Variants in ANKRD27 observed in about 807,000 individuals in gnomAD.
ANKRD27 encodes the protein ankyrin repeat domain-containing protein 27.
ANKRD27 carries 112 observed loss-of-function variants against 129.7 expected under a neutral mutation model. That is an observed-to-expected ratio of 0.86 (90% CI 0.74 to 1.01). The LOEUF (loss-of-function observed/expected upper bound fraction) is 1.01. Ranked by LOEUF, ANKRD27 falls within the 50% of genes least tolerant of loss-of-function variation. The pLI is 0.00. For missense variants in ANKRD27, 1,258 were observed against 1,300.5 expected, an observed-to-expected ratio of 0.97 and a Z score of 0.50; for synonymous variants, 516 against 511.2, an observed-to-expected ratio of 1.01 and a Z score of -0.13.
At chr19:32,600,179 C>T (rs1971630829) in intron 26 of ANKRD27, 129 bp from the exon 27 acceptor site, 1 of 690,862 alleles carries the variant, frequency 1.4e-6, no homozygotes, top group African/African-American at 1.8e-5. Context: ...ACTGAATTTG[C>T]TTAAAGAAAC....
intron 3 of ANKRD27, 40 bp downstream of exon 3, chr19:32,649,642 C>T (rs1042400197): frequency 7.2e-6 from 10 of 1,396,534 alleles, no homozygotes; most frequent in Admixed American, 1.7e-5. Flanking sequence ...CCCCAAACAC[C>T]GAGTAGGTGA....
intron 22 of ANKRD27, among the ~76,000 whole-genome samples, chr19:32,614,098 G>A (rs1397607737): frequency 6.6e-6 from 1 of 151,992 alleles, no homozygotes; most frequent in African/African-American, 2.4e-5. Flanking sequence ...GGAGAGAGGT[G>A]GGTGTGGCTG....
chr19:32,657,027 T>C (rs1183267929), intron 2 of ANKRD27, among the ~76,000 whole-genome samples: 1 of 152,098 alleles, frequency 6.6e-6, no homozygotes, highest in Non-Finnish European at 1.5e-5. Context: ...TGAAGAAATA[T>C]GAATCACAAA....
At chr19:32,613,399 A>G (rs369859) in intron 22 of ANKRD27, among the ~76,000 whole-genome samples, 88,833 of 152,048 alleles carry the variant, frequency 0.58, 27,079 homozygotes, top group Non-Finnish European at 0.69. Context: ...TGGAATTGCC[A>G]TGCAATGACC....
At chr19:32,660,360 T>C (rs259254) in intron 1 of ANKRD27, among the ~76,000 whole-genome samples, 89,889 of 152,002 alleles carry the variant, frequency 0.59, 27,169 homozygotes, top group Non-Finnish European at 0.65. Flanking sequence ...CTGGTCAACA[T>C]GGTGAAACCC....
At chr19:32,657,977 A>G (rs756311542) in intron 2 of ANKRD27, among the ~76,000 whole-genome samples, 3 of 152,198 alleles carry the variant, frequency 2.0e-5, no homozygotes, top group African/African-American at 7.2e-5. Flanking sequence ...TCTGTCTCAA[A>G]AAAATTTAAT....
chr19:32,604,288 C>A lies in ANKRD27; in HGVS notation c.2630G>T (p.Arg877Leu). The change falls in exon 25 of 29, where the codon CGC becomes CTC. Residue 877 changes from arginine to leucine, a missense_variant. By Grantham distance (102) the Arg-to-Leu change is moderately radical. Coordinates refer to ENST00000306065, the MANE Select transcript of ANKRD27 (RefSeq NM_032139.3). ...CTGTTCAGCACAGTCTACAGCCGTG[C>A]GCTGCCGCTTGTTCAGCACCTGAAC... ...ASVQVLNKRQ[R>L]TAVDCAEQNS... 6.2e-7 allele frequency: 1 copy of A among 1,613,208 alleles called. No homozygotes were observed.
chr19:32,655,497 T>C (rs863905), intron 2 of ANKRD27, among the ~76,000 whole-genome samples: 102,004 of 152,100 alleles, frequency 0.67, 34,403 homozygotes, highest in African/African-American at 0.7. Flanking sequence ...CCGGTGTCCC[T>C]GAAAGGAAGG....
chr19:32,608,230 T>C (rs1364493367), intron 22 of ANKRD27: 1 of 253,944 alleles, frequency 3.9e-6, no homozygotes, highest in African/African-American at 2.4e-5. Flanking sequence ...AGGCTGGTCT[T>C]GAACTCCCAG....
intron 18 of ANKRD27, among the ~76,000 whole-genome samples, chr19:32,620,365 C>A (rs866867527): frequency 1.5e-4 from 22 of 151,606 alleles, no homozygotes; most frequent in African/African-American, 7.3e-5. Context: ...TCAAGACCAG[C>A]CTGGCCAACA....
intron 2 of ANKRD27, among the ~76,000 whole-genome samples, chr19:32,656,059 A>AAAAGAAAGAAAAG (rs1568417616): frequency 2.9e-3 from 192 of 65,860 alleles, no homozygotes; most frequent in African/African-American, 8.9e-3. Flanking sequence ...GAAAAGAAAG[A>AAAAGAAAGAAAAG]AAAGAAAGAA....
rs533566683 is a variant in ANKRD27, at chr19:32,641,109, G to A, written c.905-724C>T. 2.4e-3 allele frequency among the ~76,000 whole-genome samples: 360 copies of A among 151,874 alleles called. 1 individual carries two copies. Among genetic ancestry groups the A allele is most frequent in the Non-Finnish European group, 3.9e-3 (265 of 67,952 alleles). ...GTAGAGACAGGGTTTCACCGTGCTA[G>A]CCAGGATGGTCTCGATCTCCTGACC... On this transcript the variant is annotated intron_variant, in intron 10 of 28. Coordinates refer to ENST00000306065, the MANE Select transcript of ANKRD27 (RefSeq NM_032139.3).
intron 1 of ANKRD27, among the ~76,000 whole-genome samples, chr19:32,662,536 A>T (rs1381124969): frequency 3.3e-5 from 5 of 152,072 alleles, no homozygotes; most frequent in Admixed American, 2.0e-4. Flanking sequence ...CAGGAGTTCA[A>T]GACTAGCCTG....
At chr19:32,606,586 G>A (rs1279320635) in intron 23 of ANKRD27, among the ~76,000 whole-genome samples, 1 of 152,208 alleles carries the variant, frequency 6.6e-6, no homozygotes, top group East Asian at 1.9e-4. Context: ...CACTTCACCC[G>A]ATGTGCTGGG....
rs370858272 is a variant in ANKRD27 at position 32,669,645 on chromosome 19, G to A, written c.-31+5426C>T. Among the ~76,000 whole-genome samples the A allele has an allele frequency of 9.8e-5, 15 of 152,286 alleles. No individual in the cohort carries two copies. The South Asian group carries it at 3.1e-3, about 32-fold the overall frequency. On this transcript the variant is annotated intron_variant, in intron 1 of 28. Coordinates refer to ENST00000306065, the MANE Select transcript of ANKRD27 (RefSeq NM_032139.3). ...TCCACCCCGCAAGATGAGGCAACAA[G>A]GACAGGCTTCCATGGACGAACTAAA...
intron 1 of ANKRD27, among the ~76,000 whole-genome samples, chr19:32,667,831 T>TGAA (rs1967789781): frequency 3.6e-5 from 1 of 27,746 alleles, no homozygotes; most frequent in South Asian, 1.1e-3. Context: ...AAACTCCGTC[T>TGAA]CAAAAAAAAA....
intron 2 of ANKRD27, among the ~76,000 whole-genome samples, chr19:32,655,903 A>C (rs183567005): frequency 3.3e-5 from 5 of 152,106 alleles, no homozygotes; most frequent in Admixed American, 2.0e-4. Context: ...CTGTAATCCC[A>C]GCTACTTGGT....
rs775428113 is a variant in ANKRD27, at chr19:32,615,746, A to G, written c.2087T>C (p.Leu696Pro). ...RYLLEWTEED[L>P]EDAEDTVSAA... is the part of the protein sequence containing the mutation. ...ACTGACAGTGTCCTCCGCATCCTCC[A>G]GGTCCTCCTCTGTCCATTCCAACAG... The change falls in exon 22 of 29, where the codon CTG becomes CCG. Residue 696 changes from leucine (L) to proline (P), a missense_variant. By Grantham distance (98) the Leu-to-Pro change is moderately conservative (BLOSUM62 -3). Coordinates refer to ENST00000306065, the MANE Select transcript of ANKRD27 (RefSeq NM_032139.3). 6.8e-6 allele frequency: 11 copies of G among 1,614,188 alleles called. No individual in the cohort carries two copies. Among genetic ancestry groups the G allele is most frequent in the Non-Finnish European group, 9.3e-6 (11 of 1,180,046 alleles).
intron 10 of ANKRD27, among the ~76,000 whole-genome samples, chr19:32,640,670 G>A (rs1259669119): frequency 1.3e-5 from 2 of 152,214 alleles, no homozygotes; most frequent in Non-Finnish European, 2.9e-5. Context: ...GGGAGGCCGA[G>A]ACGGGAGAAT....
Sources: gnomAD v4.1 joint callset for allele counts (sites outside exome capture counted in the v4.1 genomes callset) on GRCh38, gnomAD v4.1.1 for gene constraint, MANE v1.5 for transcripts, NCBI Gene and HGNC (gene_info 2026-07-23, HGNC 2026-07-21) for gene names.